MSRA: variants seen among roughly 807,000 people sequenced by gnomAD.
MSRA encodes the protein methionine sulfoxide reductase A.
Under a neutral mutation model 31.3 loss-of-function variants are expected in MSRA, and 54 were observed. The ratio of observed to expected loss-of-function variants is 1.73; its 90% CI spans 1.39 to 2.17. The LOEUF is 2.17. Among genes scored for constraint, MSRA ranks in the 30% most tolerant of loss-of-function variants. The pLI, the probability that MSRA is intolerant of heterozygous loss-of-function variation, is 0.00. For missense variants in MSRA, 507 were observed against 300.9 expected, an observed-to-expected ratio of 1.69 and a Z score of -5.07; for synonymous variants, 169 against 116.5, an observed-to-expected ratio of 1.45 and a Z score of -2.90.
chr8:10,217,837 G>T (rs1414495327), intron 2 of MSRA, among the ~76,000 whole-genome samples: 1 of 152,236 alleles, frequency 6.6e-6, no homozygotes. Flanking sequence ...TTTTAAAACT[G>T]TTTATCTGAA....
chr8:10,092,408 C>T (rs1398475445), intron 1 of MSRA, among the ~76,000 whole-genome samples: 4 of 152,098 alleles, frequency 2.6e-5, no homozygotes, highest in African/African-American at 9.7e-5. Context: ...CCTGTAATCC[C>T]AGCAGTTTGG....
In MSRA at chr8:10,372,808, C is replaced by G. The variant is rs549135041; in HGVS notation, c.543+52819C>G. 1.2e-4 allele frequency among the ~76,000 whole-genome samples: 18 copies of G among 152,364 alleles called. No homozygotes were observed. The East Asian group carries it at 2.9e-3, about 24-fold the overall frequency. On this transcript the variant is annotated intron_variant, in intron 5 of 5. Coordinates refer to ENST00000317173, the MANE Select transcript of MSRA (RefSeq NM_012331.5). ...GTCAAGATAGACAACTAAAACCAGTCTAGAAACTCCAATAAAGCTAAAAAT... is the reference window on the plus strand; with the variant it reads ...GTCAAGATAGACAACTAAAACCAGTGTAGAAACTCCAATAAAGCTAAAAAT...
chr8:10,103,581 G>C (rs1037803476), intron 1 of MSRA, among the ~76,000 whole-genome samples: 2 of 152,050 alleles, frequency 1.3e-5, no homozygotes, highest in Admixed American at 6.6e-5. Context: ...TAGCTGATAG[G>C]TATCATAAAC....
chr8:10,256,729 T>A (rs1188360380), intron 3 of MSRA, among the ~76,000 whole-genome samples: 2 of 152,222 alleles, frequency 1.3e-5, no homozygotes, highest in Non-Finnish European at 2.9e-5. Context: ...ATGTGTCCAT[T>A]CTTCCCTTTC....
chr8:10,415,898 C>T (rs901957437), intron 5 of MSRA, among the ~76,000 whole-genome samples: 2 of 152,086 alleles, frequency 1.3e-5, no homozygotes, highest in African/African-American at 4.8e-5. Context: ...ACCTTTCCTT[C>T]CTCCATGCCC....
chr8:10,268,089 C>G (rs1312542709), intron 3 of MSRA, among the ~76,000 whole-genome samples: 2 of 152,144 alleles, frequency 1.3e-5, no homozygotes, highest in Non-Finnish European at 2.9e-5. Context: ...AACTCTAGTG[C>G]CATTTCATAA....
chr8:10,285,706 C>G (rs1365443038), intron 3 of MSRA, among the ~76,000 whole-genome samples: 1 of 151,934 alleles, frequency 6.6e-6, no homozygotes, highest in Non-Finnish European at 1.5e-5. Context: ...ATAAGATCAA[C>G]TTTTTCAGCT....
intron 1 of MSRA, among the ~76,000 whole-genome samples, chr8:10,074,085 T>A (rs1797873984): frequency 2.7e-5 from 3 of 112,426 alleles, no homozygotes; most frequent in African/African-American, 1.1e-4. Context: ...TTTTTTTTTT[T>A]TTTTTTTTTT....
chr8:10,383,068 T>C (rs1806172377), intron 5 of MSRA, among the ~76,000 whole-genome samples: 1 of 152,182 alleles, frequency 6.6e-6, no homozygotes, highest in South Asian at 2.1e-4. Flanking sequence ...GAATGCTGTG[T>C]TCACCCACCT....
At chr8:10,242,956 T>G (rs1261966512) in intron 2 of MSRA, among the ~76,000 whole-genome samples, 2 of 152,176 alleles carry the variant, frequency 1.3e-5, no homozygotes, top group South Asian at 2.1e-4. Context: ...TCCTGGTCAT[T>G]CATCCTCCTC....
chr8:10,418,176 C>A (rs1808596426), intron 5 of MSRA, among the ~76,000 whole-genome samples: 1 of 152,120 alleles, frequency 6.6e-6, no homozygotes, highest in Non-Finnish European at 1.5e-5. Context: ...TACATGAAAA[C>A]CTAACACTTA....
intron 1 of MSRA, among the ~76,000 whole-genome samples, chr8:10,154,818 A>C (rs1469530447): frequency 6.6e-6 from 1 of 152,090 alleles, no homozygotes; most frequent in Admixed American, 6.6e-5. Context: ...TATATTGAAA[A>C]AGATTTTAAT....
chr8:10,150,570 A>C (rs893007991), intron 1 of MSRA, among the ~76,000 whole-genome samples: 1 of 152,210 alleles, frequency 6.6e-6, no homozygotes, highest in Non-Finnish European at 1.5e-5. Flanking sequence ...TAATGTGTTA[A>C]TATATGACCT....
chr8:10,176,723 A>G (rs1037196889), intron 1 of MSRA, among the ~76,000 whole-genome samples: 3 of 152,234 alleles, frequency 2.0e-5, no homozygotes, highest in Non-Finnish European at 4.4e-5. Context: ...TACGAAGTGA[A>G]CTGGTTTACA....
chr8:10,228,209 C>G (rs568563580), intron 2 of MSRA, among the ~76,000 whole-genome samples: 79 of 152,282 alleles, frequency 5.2e-4, no homozygotes, highest in Non-Finnish European at 9.8e-4. Flanking sequence ...GGACCTACAG[C>G]TATCCAGCTG....
chr8:10,255,215 C>G (rs908834656), intron 3 of MSRA, among the ~76,000 whole-genome samples: 1 of 152,228 alleles, frequency 6.6e-6, no homozygotes, highest in African/African-American at 2.4e-5. Context: ...GCCTTCCACA[C>G]CTCGCTCATC....
chr8:10,131,969 A>C (rs1000070928), intron 1 of MSRA, among the ~76,000 whole-genome samples: 1 of 152,242 alleles, frequency 6.6e-6, no homozygotes, highest in African/African-American at 2.4e-5. Flanking sequence ...AATGATGTTT[A>C]TAAGCCTTTT....
intron 1 of MSRA, among the ~76,000 whole-genome samples, chr8:10,075,739 C>T (rs1015043923): frequency 3.3e-5 from 5 of 152,274 alleles, no homozygotes; most frequent in East Asian, 3.9e-4. Flanking sequence ...TTCTCAGTCC[C>T]GGCATAACTG....
At chr8:10,316,045 T>C (rs1016902635) in intron 4 of MSRA, among the ~76,000 whole-genome samples, 22 of 152,218 alleles carry the variant, frequency 1.4e-4, no homozygotes, top group Non-Finnish European at 2.8e-4. Flanking sequence ...TTTTTGCTTT[T>C]AGATATGGAA....
Sources: gnomAD v4.1 joint callset for allele counts (sites outside exome capture counted in the v4.1 genomes callset) on GRCh38, gnomAD v4.1.1 for gene constraint, MANE v1.5 for transcripts, NCBI Gene and HGNC (gene_info 2026-07-23, HGNC 2026-07-21) for gene names.